DGKB: variants seen among roughly 807,000 people sequenced by gnomAD.
DGKB encodes 90 kDa diacylglycerol kinase.
Under a neutral mutation model 114.3 loss-of-function variants are expected in DGKB, and 67 were observed. That is an observed-to-expected ratio of 0.59 (90% CI 0.48 to 0.72). The LOEUF (loss-of-function observed/expected upper bound fraction) is 0.72. Among genes scored for constraint, DGKB ranks in the 30% least tolerant of loss-of-function variants. The pLI is 0.00. For synonymous variants in DGKB, 398 were observed against 323.1 expected (o/e 1.23, Z -2.49); for missense variants, 907 against 975.2 (o/e 0.93, Z 0.93).
chr7:14,853,772 GC>G (rs1849718892), intron 1 of DGKB, among the ~76,000 whole-genome samples: 1 of 150,550 alleles, frequency 6.6e-6, no homozygotes, highest in Admixed American at 6.6e-5. Flanking sequence ...GGAGGCTGAG[GC>G]AGGAGAATGG....
chr7:14,151,881 C>G (rs1423797679), intron 25 of DGKB, among the ~76,000 whole-genome samples: 2 of 151,972 alleles, frequency 1.3e-5, no homozygotes, highest in Non-Finnish European at 1.5e-5. Context: ...ATTTACATGT[C>G]TTGGTATATT....
At chr7:14,857,194 C>T (rs1384646354) in intron 1 of DGKB, among the ~76,000 whole-genome samples, 1 of 122,328 alleles carries the variant, frequency 8.2e-6, no homozygotes, top group East Asian at 4.2e-4. Context: ...CAAGGAAGAT[C>T]TCTCTCTCTC....
chr7:14,857,367 A>G (rs1324555572), intron 1 of DGKB, among the ~76,000 whole-genome samples: 1 of 151,838 alleles, frequency 6.6e-6, no homozygotes, highest in East Asian at 1.9e-4. Context: ...CCCAAAGTGG[A>G]TCTTTCTCTA....
intron 23 of DGKB, among the ~76,000 whole-genome samples, chr7:14,245,038 G>T (rs1345535695): frequency 6.6e-6 from 1 of 152,084 alleles, no homozygotes; most frequent in Non-Finnish European, 1.5e-5. Context: ...GGAGAGTCAT[G>T]TATGCAGTAC....
intron 23 of DGKB, among the ~76,000 whole-genome samples, chr7:14,250,132 ATTT>A (rs57215648): frequency 0.12 from 16,321 of 135,454 alleles, 1,222 homozygotes; most frequent in East Asian, 0.2. Flanking sequence ...ATATATATAT[ATTT>A]TTTTTTTTTT....
intron 23 of DGKB, among the ~76,000 whole-genome samples, chr7:14,287,553 G>A (rs541081499): frequency 1.3e-4 from 20 of 152,040 alleles, no homozygotes; most frequent in African/African-American, 4.8e-4. Flanking sequence ...TCTACCGCAC[G>A]GTCTACATGA....
At chr7:14,401,176 A>G (rs971434282) in intron 21 of DGKB, among the ~76,000 whole-genome samples, 6 of 151,940 alleles carry the variant, frequency 3.9e-5, no homozygotes, top group East Asian at 1.9e-4. Flanking sequence ...TAGATTTTCA[A>G]TCATAATCCA....
chr7:14,886,485 A>G (rs750481268), intron 1 of DGKB, among the ~76,000 whole-genome samples: 2 of 151,876 alleles, frequency 1.3e-5, no homozygotes, highest in Admixed American at 6.6e-5. Flanking sequence ...TCTCTCTCAA[A>G]TGGTACAAGG....
intron 1 of DGKB, among the ~76,000 whole-genome samples, chr7:14,956,440 G>A (rs980062436): frequency 3.9e-5 from 6 of 151,944 alleles, no homozygotes; most frequent in Non-Finnish European, 7.4e-5. Context: ...TCAATATTTG[G>A]TAAGGATTTT....
At chr7:14,660,026 G>A (rs1329723680) in intron 13 of DGKB, among the ~76,000 whole-genome samples, 1 of 150,970 alleles carries the variant, frequency 6.6e-6, no homozygotes, top group African/African-American at 2.4e-5. Context: ...TTTATATGCT[G>A]GATTACATTT....
intron 23 of DGKB, among the ~76,000 whole-genome samples, chr7:14,322,853 A>G (rs1454208675): frequency 2.0e-5 from 3 of 152,192 alleles, no homozygotes; most frequent in African/African-American, 7.2e-5. Context: ...TCATCATTAA[A>G]ATGCATATTT....
chr7:14,753,133 T>C (rs1834354695), intron 4 of DGKB, among the ~76,000 whole-genome samples: 1 of 152,168 alleles, frequency 6.6e-6, no homozygotes, highest in South Asian at 2.1e-4. Context: ...GGACATGAAA[T>C]TACAGTGGCT....
intron 23 of DGKB, among the ~76,000 whole-genome samples, chr7:14,276,493 C>T (rs1319603140): frequency 6.6e-6 from 1 of 151,976 alleles, no homozygotes; most frequent in Non-Finnish European, 1.5e-5. Context: ...ACCCAGAGTA[C>T]ATAAGAGAAA....
At chr7:14,856,633 T>C (rs1850189606) in intron 1 of DGKB, among the ~76,000 whole-genome samples, 2 of 151,754 alleles carry the variant, frequency 1.3e-5, no homozygotes, top group South Asian at 4.2e-4. Context: ...TTGATGTCAC[T>C]GCTGTAGAGT....
chr7:14,530,255 G>A (rs992503756), intron 20 of DGKB, among the ~76,000 whole-genome samples: 2 of 151,226 alleles, frequency 1.3e-5, no homozygotes, highest in Non-Finnish European at 3.0e-5. Flanking sequence ...ACTGTTTTAC[G>A]AAGCATACAA....
At chr7:14,619,345 C>G (rs1256190762) in intron 15 of DGKB, among the ~76,000 whole-genome samples, 1 of 151,318 alleles carries the variant, frequency 6.6e-6, no homozygotes, top group Non-Finnish European at 1.5e-5. Context: ...TTTAATGTGA[C>G]TAATTTAGCT....
intron 23 of DGKB, among the ~76,000 whole-genome samples, chr7:14,242,730 G>C (rs1158852415): frequency 6.6e-6 from 1 of 152,110 alleles, no homozygotes; most frequent in Non-Finnish European, 1.5e-5. Context: ...CAAGGTCATA[G>C]TTCTTAAATT....
chr7:14,357,301 T>A (rs1583382390), intron 21 of DGKB, among the ~76,000 whole-genome samples: 1 of 152,186 alleles, frequency 6.6e-6, no homozygotes, highest in Admixed American at 6.5e-5. Context: ...GCATATATAT[T>A]TAGGATAGTT....
intron 23 of DGKB, among the ~76,000 whole-genome samples, chr7:14,186,231 A>C (rs970342273): frequency 6.6e-6 from 1 of 152,238 alleles, no homozygotes; most frequent in Non-Finnish European, 1.5e-5. Context: ...CCTCAAAAGA[A>C]GATATACAAA....
Sources: gnomAD v4.1 joint callset for allele counts (sites outside exome capture counted in the v4.1 genomes callset) on GRCh38, gnomAD v4.1.1 for gene constraint, MANE v1.5 for transcripts, NCBI Gene and HGNC (gene_info 2026-07-23, HGNC 2026-07-21) for gene names.